Variants in NRG1 observed in about 807,000 individuals in gnomAD.
NRG1 encodes pro-neuregulin-1, membrane-bound isoform.
In NRG1, 18 loss-of-function variants were observed where a neutral mutation model predicts 63.8. The observed-to-expected ratio is 0.28, with a 90% CI of 0.19 to 0.42. The LOEUF is 0.42. NRG1 is among the 10% of genes least tolerant of loss of function. The pLI is 1.00. For synonymous variants in NRG1, 302 were observed against 301.3 expected (o/e 1.00, Z -0.02); for missense variants, 762 against 814.7 (o/e 0.94, Z 0.79).
At chr8:32,704,203 A>G (rs1442476744) in intron 5 of NRG1, among the ~76,000 whole-genome samples, 1 of 152,152 alleles carries the variant, frequency 6.6e-6, no homozygotes, top group Non-Finnish European at 1.5e-5. Context: ...TCCTCTGGGG[A>G]GGCCGTAGAG....
intron 1 of NRG1, among the ~76,000 whole-genome samples, chr8:32,100,270 GATTGTT>G (rs1830404416): frequency 6.6e-6 from 1 of 152,138 alleles, no homozygotes. Context: ...CTGTGGGCAG[GATTGTT>G]AAGTGGTAGT....
intron 1 of NRG1, among the ~76,000 whole-genome samples, chr8:32,586,883 G>T (rs1841711761): frequency 6.6e-6 from 1 of 152,138 alleles, no homozygotes; most frequent in Admixed American, 6.6e-5. Context: ...GTAGACCATG[G>T]TCAATCAATG....
At chr8:32,615,486 A>G (rs1454608915) in intron 4 of NRG1, among the ~76,000 whole-genome samples, 1 of 152,146 alleles carries the variant, frequency 6.6e-6, no homozygotes, top group Non-Finnish European at 1.5e-5. Flanking sequence ...AAACTGAAGT[A>G]TTAGAAATGT....
At chr8:32,473,161 A>G (rs1245221361) in intron 1 of NRG1, among the ~76,000 whole-genome samples, 1 of 152,256 alleles carries the variant, frequency 6.6e-6, no homozygotes, top group Non-Finnish European at 1.5e-5. Flanking sequence ...ACATATGTAC[A>G]TGTGTACAGT....
chr8:32,005,426 T>C (rs1813615426), intron 1 of NRG1, among the ~76,000 whole-genome samples: 2 of 151,974 alleles, frequency 1.3e-5, no homozygotes. Context: ...TAAAAAGGTT[T>C]AGATTGGTCA....
At chr8:31,713,107 T>C (rs1054922754) in intron 1 of NRG1, among the ~76,000 whole-genome samples, 2 of 140,850 alleles carry the variant, frequency 1.4e-5, no homozygotes, top group African/African-American at 5.1e-5. Context: ...ATACTCCTTC[T>C]AATTTTTTTT....
intron 1 of NRG1, among the ~76,000 whole-genome samples, chr8:32,586,378 A>G (rs1277597852): frequency 6.6e-6 from 1 of 152,134 alleles, no homozygotes; most frequent in East Asian, 1.9e-4. Flanking sequence ...GCTAATTTCA[A>G]TAAATAACTA....
chr8:32,193,748 TA>T (rs1298990052), intron 1 of NRG1, among the ~76,000 whole-genome samples: 1 of 152,192 alleles, frequency 6.6e-6, no homozygotes, highest in Non-Finnish European at 1.5e-5. Context: ...GTAATTAAGT[TA>T]AAATGAAGTT....
At chr8:32,453,243 G>GA (rs1037482911) in intron 1 of NRG1, among the ~76,000 whole-genome samples, 9 of 150,944 alleles carry the variant, frequency 6.0e-5, no homozygotes, top group African/African-American at 7.3e-5. Context: ...AACATTGGAA[G>GA]AAAAAAAAAC....
chr8:31,814,022 C>T (rs1027436661), intron 1 of NRG1, among the ~76,000 whole-genome samples: 1 of 152,186 alleles, frequency 6.6e-6, no homozygotes, highest in Non-Finnish European at 1.5e-5. Flanking sequence ...CTTTGAAACA[C>T]TATTCAAAAG....
At chr8:31,994,583 G>A (rs576242454) in intron 1 of NRG1, among the ~76,000 whole-genome samples, 2 of 131,016 alleles carry the variant, frequency 1.5e-5, no homozygotes, top group African/African-American at 5.5e-5. Flanking sequence ...GAGCCAAAGA[G>A]GTCAAGGCTG....
chr8:32,385,310 C>A (rs1810872023), intron 1 of NRG1, among the ~76,000 whole-genome samples: 1 of 152,148 alleles, frequency 6.6e-6, no homozygotes, highest in Non-Finnish European at 1.5e-5. Flanking sequence ...CAGGCGTGAG[C>A]CACCGCGCCT....
chr8:31,659,277 T>C (rs1208653078), intron 1 of NRG1, among the ~76,000 whole-genome samples: 1 of 151,914 alleles, frequency 6.6e-6, no homozygotes, highest in Non-Finnish European at 1.5e-5. Context: ...AGGAGCGAGA[T>C]GGAGAAAGAA....
At chr8:32,238,355 AG>A (rs1356792341) in intron 1 of NRG1, among the ~76,000 whole-genome samples, 1 of 151,452 alleles carries the variant, frequency 6.6e-6, no homozygotes, top group Non-Finnish European at 1.5e-5. Context: ...GCTACTTGGG[AG>A]GCTGGGGCAG....
At chr8:31,834,299 G>A (rs28676960) in intron 1 of NRG1, among the ~76,000 whole-genome samples, 110,211 of 144,238 alleles carry the variant, frequency 0.76, 40,771 homozygotes, top group East Asian at 0.96. Flanking sequence ...GCGTGTGCGC[G>A]CACGCGCGCA....
At chr8:32,041,973 C>A (rs971421062) in intron 1 of NRG1, among the ~76,000 whole-genome samples, 2 of 152,164 alleles carry the variant, frequency 1.3e-5, no homozygotes, top group Admixed American at 1.3e-4. Flanking sequence ...AGATTCCAGA[C>A]TGGCTATTGT....
At chr8:32,254,191 C>A (rs1217164852) in intron 1 of NRG1, among the ~76,000 whole-genome samples, 2 of 152,124 alleles carry the variant, frequency 1.3e-5, no homozygotes, top group Non-Finnish European at 2.9e-5. Flanking sequence ...CTATCTCCTT[C>A]CGTTCTGCTC....
At chr8:32,214,927 C>T (rs1845059821) in intron 1 of NRG1, among the ~76,000 whole-genome samples, 1 of 152,208 alleles carries the variant, frequency 6.6e-6, no homozygotes, top group African/African-American at 2.4e-5. Flanking sequence ...GACATTTTCA[C>T]TTGGCCAAAT....
At chr8:32,110,153 T>A (rs1319583286) in intron 1 of NRG1, among the ~76,000 whole-genome samples, 1 of 152,134 alleles carries the variant, frequency 6.6e-6, no homozygotes, top group East Asian at 1.9e-4. Flanking sequence ...TCATTAAGAG[T>A]GTATTTATCT....
Sources: allele counts gnomAD v4.1 joint callset (sites outside exome capture counted in the v4.1 genomes callset), GRCh38; gene constraint gnomAD v4.1.1; transcripts MANE v1.5; gene names NCBI Gene and HGNC (gene_info 2026-07-23, HGNC 2026-07-21).